The following KDM4C variants were observed in gnomAD, a reference collection of about 807,000 sequenced individuals.
KDM4C encodes the protein lysine demethylase 4C, also known as lysine-specific demethylase 4C.
KDM4C carries 81 observed loss-of-function variants against 129.3 expected under a neutral mutation model. The observed-to-expected ratio is 0.63, with a 90% CI of 0.52 to 0.75. The LOEUF is 0.75. Ranked by LOEUF, KDM4C falls within the 30% of genes least tolerant of loss-of-function variation. KDM4C has a pLI of 0.00. For synonymous variants in KDM4C, 573 were observed against 456.1 expected (o/e 1.26, Z -3.26); for missense variants, 1,457 against 1,304.0 (o/e 1.12, Z -1.81).
chr9:7,074,048 G>A (rs1164246235), intron 17 of KDM4C, among the ~76,000 whole-genome samples: 1 of 152,166 alleles, frequency 6.6e-6, no homozygotes, highest in Non-Finnish European at 1.5e-5. Flanking sequence ...CTAAAGAACA[G>A]CAAACTAATC....
At chr9:6,875,596 C>T (rs10117564) in intron 5 of KDM4C, among the ~76,000 whole-genome samples, 10,464 of 152,102 alleles carry the variant, frequency 0.069, 991 homozygotes, top group African/African-American at 0.21. Context: ...TCTCTAGTGG[C>T]GATAACTTTG....
At chr9:6,984,592 A>G (rs1406702477) in intron 10 of KDM4C, among the ~76,000 whole-genome samples, 188 bp downstream of exon 10, 3 of 152,180 alleles carry the variant, frequency 2.0e-5, no homozygotes, top group Non-Finnish European at 4.4e-5. Flanking sequence ...CCTCACTGCT[A>G]TGTGTAGCAG....
chr9:7,000,805 T>C (rs1820590787), intron 12 of KDM4C, among the ~76,000 whole-genome samples: 1 of 152,248 alleles, frequency 6.6e-6, no homozygotes, highest in Admixed American at 6.5e-5. Flanking sequence ...CATATTTTGG[T>C]ACACTTTGTT....
chr9:6,722,969 C>T (rs1002240136), intron 1 of KDM4C, among the ~76,000 whole-genome samples: 4 of 151,786 alleles, frequency 2.6e-5, no homozygotes, highest in South Asian at 2.1e-4. Flanking sequence ...GGCAACAGAG[C>T]GATACACGAC....
chr9:7,075,630 A>G (rs759548220), intron 17 of KDM4C, among the ~76,000 whole-genome samples: 18 of 152,150 alleles, frequency 1.2e-4, no homozygotes, highest in Non-Finnish European at 2.5e-4. Context: ...CACCACATGC[A>G]GATGCCCAAT....
chr9:6,847,425 G>T (rs537713943), intron 4 of KDM4C, among the ~76,000 whole-genome samples: 1 of 152,016 alleles, frequency 6.6e-6, no homozygotes, highest in South Asian at 2.1e-4. Context: ...TTGAGACGGA[G>T]TCTTGCTCTG....
At position 7,049,115 on chromosome 9, in the gene KDM4C, T is replaced by C. The variant is rs764913652; in HGVS notation, c.2339T>C (p.Val780Ala). 6.2e-7 allele frequency: 1 copy of C among 1,612,538 alleles called. No individual in the cohort carries two copies. Among genetic ancestry groups the C allele is most frequent in the South Asian group, 1.1e-5 (1 of 91,016 alleles). Residue 780 changes from valine (V) to alanine (A), a missense_variant, in exon 17 of 22, where the codon GTT becomes GCT. Val to Ala is a moderately conservative substitution (Grantham distance 64). Transcript: ENST00000381309. ...AGGTGGGCCCATGTCATGTGCGCCG[T>C]TGCGGTCCCAGAAGTTCGATTCACT... ...NNKWAHVMCA[V>A]AVPEVRFTNV...
At chr9:6,863,598 C>A (rs542083737) in intron 5 of KDM4C, among the ~76,000 whole-genome samples, 1 of 152,054 alleles carries the variant, frequency 6.6e-6, no homozygotes, top group South Asian at 2.1e-4. Context: ...AGATCGAGAC[C>A]ATCCTGGCTA....
chr9:7,028,372 T>G (rs1826148305), intron 15 of KDM4C, among the ~76,000 whole-genome samples: 1 of 151,768 alleles, frequency 6.6e-6, no homozygotes, highest in Non-Finnish European at 1.5e-5. Flanking sequence ...AGGGTGTGTC[T>G]AGAAATGTCC....
chr9:6,989,791 TG>T (rs1818395154), intron 11 of KDM4C, among the ~76,000 whole-genome samples: 1 of 152,140 alleles, frequency 6.6e-6, no homozygotes, highest in Non-Finnish European at 1.5e-5. Context: ...TATTTATTTT[TG>T]GCGACAGGGT....
intron 8 of KDM4C, among the ~76,000 whole-genome samples, chr9:6,968,981 A>G (rs2131675393): frequency 6.6e-6 from 1 of 152,152 alleles, no homozygotes; most frequent in South Asian, 2.1e-4. Context: ...CTGTCACCCA[A>G]GCTGGAGTGC....
At chr9:7,128,554 G>T (rs1170230220) in intron 19 of KDM4C, among the ~76,000 whole-genome samples, 14 of 152,150 alleles carry the variant, frequency 9.2e-5, no homozygotes, top group Non-Finnish European at 1.3e-4. Context: ...TAGCAGATAT[G>T]AATCCACCTA....
At chr9:6,776,175 C>T (rs970921638) in intron 1 of KDM4C, among the ~76,000 whole-genome samples, 3 of 152,192 alleles carry the variant, frequency 2.0e-5, no homozygotes, top group African/African-American at 7.2e-5. Flanking sequence ...GCCTTGAACT[C>T]CTGGGCTCTG....
At chr9:6,852,788 C>T (rs556025533) in intron 5 of KDM4C, among the ~76,000 whole-genome samples, 3 of 152,310 alleles carry the variant, frequency 2.0e-5, no homozygotes, top group East Asian at 1.9e-4. Context: ...GCAAAGACTG[C>T]CTACGATTCC....
At chr9:6,752,295 T>C (rs1434103181) in intron 1 of KDM4C, among the ~76,000 whole-genome samples, 43 of 109,608 alleles carry the variant, frequency 3.9e-4, no homozygotes, top group Admixed American at 1.7e-3. Context: ...ATCGCGCCAC[T>C]GCACTCCAGC....
At chr9:6,858,387 C>T (rs1408630664) in intron 5 of KDM4C, among the ~76,000 whole-genome samples, 1 of 152,008 alleles carries the variant, frequency 6.6e-6, no homozygotes, top group Non-Finnish European at 1.5e-5. Context: ...CATTGACATC[C>T]CTTCAAATGA....
intron 1 of KDM4C, among the ~76,000 whole-genome samples, chr9:6,727,754 A>G (rs1412012819): frequency 6.9e-6 from 1 of 145,876 alleles, no homozygotes; most frequent in African/African-American, 2.6e-5. Flanking sequence ...CATTCTACCT[A>G]TACAAACAAG....
At chr9:7,120,550 A>G (rs938297939) in intron 18 of KDM4C, among the ~76,000 whole-genome samples, 1 of 152,168 alleles carries the variant, frequency 6.6e-6, no homozygotes, top group African/African-American at 2.4e-5. Flanking sequence ...AGACCTGATT[A>G]GTTTTTTTCT....
intron 1 of KDM4C, among the ~76,000 whole-genome samples, chr9:6,726,166 C>T (rs1456502382): frequency 3.9e-5 from 6 of 152,068 alleles, no homozygotes; most frequent in South Asian, 2.1e-4. Context: ...TCAGGCAATC[C>T]GCCTGCCTCA....
Sources: gnomAD v4.1 joint callset for allele counts (sites outside exome capture counted in the v4.1 genomes callset) on GRCh38, gnomAD v4.1.1 for gene constraint, MANE v1.5 for transcripts, NCBI Gene and HGNC (gene_info 2026-07-23, HGNC 2026-07-21) for gene names.